Variants in ITGAX observed in about 807,000 individuals in gnomAD.
ITGAX encodes integrin alpha-X.
In ITGAX, 99 loss-of-function variants were observed where a neutral mutation model predicts 140.2. The observed-to-expected ratio is 0.71, with a 90% CI of 0.60 to 0.83. The LOEUF (loss-of-function observed/expected upper bound fraction) is 0.83, where lower values mean the gene tolerates loss of function less well. Among genes scored for constraint, ITGAX ranks in the 40% least tolerant of loss-of-function variants. The pLI is 0.00. For missense variants in ITGAX, 1,444 were observed against 1,482.0 expected, an observed-to-expected ratio of 0.97 and a Z score of 0.42; for synonymous variants, 631 against 600.4, an observed-to-expected ratio of 1.05 and a Z score of -0.75.
At chr16:31,371,839 G>A in intron 17 of ITGAX, 55 bp downstream of exon 17, 13 of 1,589,506 alleles carry the variant, frequency 8.2e-6, no homozygotes, top group Non-Finnish European at 1.1e-5. Context: ...CAGAAGGCAG[G>A]GCAGGGAGAG....
At position 31,376,783 on chromosome 16, in the gene ITGAX, T is replaced by G; in HGVS notation, c.2509-16T>G. The G allele has an allele frequency of 6.2e-7, 1 of 1,612,968 alleles. No homozygotes were observed. Among genetic ancestry groups the G allele is most frequent in the South Asian group, 1.1e-5 (1 of 91,072 alleles). The stretch of plus-strand genomic sequence containing the variant: ...TCAATTTCAACTAATACTCCTCTAC[T>G]TTTTCTCATGCCTAGAAACAAGGGC... On this transcript the variant is annotated splice_polypyrimidine_tract_variant and intron_variant, in intron 20 of 29. Coordinates refer to ENST00000268296, the MANE Select transcript of ITGAX (RefSeq NM_000887.5).
At chr16:31,357,230 C>G (rs1263280663) in intron 4 of ITGAX, 23 bp from the exon 5 acceptor site, 2 of 1,569,938 alleles carry the variant, frequency 1.3e-6, no homozygotes, top group East Asian at 4.6e-5. Context: ...GGGCAGCCCC[C>G]CAGCAGCCCG....
chr16:31,371,853 A>G, intron 17 of ITGAX, 69 bp downstream of exon 17: 1 of 1,565,742 alleles, frequency 6.4e-7, no homozygotes, highest in Non-Finnish European at 8.7e-7. Context: ...GGGAGAGAAC[A>G]GGCTGTGTTC....
chr16:31,363,771 G>A (rs879809762), intron 14 of ITGAX, among the ~76,000 whole-genome samples: 1 of 152,208 alleles, frequency 6.6e-6, no homozygotes, highest in Non-Finnish European at 1.5e-5. Flanking sequence ...AGGTACACAG[G>A]TCAGGCACAG....
rs754949901 is a variant in ITGAX, at chr16:31,363,151, C to CT, written c.1501-7dup. On this transcript the variant is annotated splice_polypyrimidine_tract_variant and intron_variant, in intron 13 of 29. Coordinates refer to ENST00000268296, the MANE Select transcript of ITGAX (RefSeq NM_000887.5). ...GTTGCCCGGGTTGGGCCTGGCACTG[C>CT]TTTTTTTCTGCAGTGGAGAAGGTGG... The CT allele has an allele frequency of 6.8e-6, 11 of 1,608,502 alleles. No homozygotes were observed. The South Asian group carries it at 8.8e-5, about 13-fold the overall frequency.
chr16:31,361,351 C>A (rs958541346), intron 9 of ITGAX, 138 bp downstream of exon 9: 5 of 1,003,196 alleles, frequency 5.0e-6, no homozygotes, highest in Non-Finnish European at 6.0e-6. Flanking sequence ...CCATGTCTGT[C>A]AGCTTGTCCC....
chr16:31,361,761 C>T lies in ITGAX; in HGVS notation c.1013-75C>T. On this transcript the variant is annotated intron_variant, in intron 9 of 29. Coordinates refer to ENST00000268296, the MANE Select transcript of ITGAX (RefSeq NM_000887.5). Reference sequence around the variant, plus strand: ...CTGTAGCCTCCAGTCTTAGCTTCTCCTAAAGCTGAAGTGTTCTTGGACCTG... The same window carrying T: ...CTGTAGCCTCCAGTCTTAGCTTCTCTTAAAGCTGAAGTGTTCTTGGACCTG... 2.0e-6 allele frequency: 3 copies of T among 1,467,104 alleles called. No individual in the cohort carries two copies. The South Asian group carries it at 3.4e-5, about 17-fold the overall frequency. The allele number at this position is 1,467,104 out of a possible 1,614,324, so 90.9% of individuals were successfully genotyped here. A position where few individuals can be genotyped will look rare whatever the true frequency, so the allele number is the denominator to read the frequency against.
intron 17 of ITGAX, among the ~76,000 whole-genome samples, chr16:31,372,165 T>TGG (rs59381287): frequency 0.053 from 6,314 of 119,522 alleles, 168 homozygotes; most frequent in Middle Eastern, 0.1. Flanking sequence ...TCGGGAGGTC[T>TGG]GGGGGGGGGG....
chr16:31,375,855 A>G (rs1287259477), intron 20 of ITGAX, among the ~76,000 whole-genome samples: 1 of 152,246 alleles, frequency 6.6e-6, no homozygotes, highest in Admixed American at 6.5e-5. Flanking sequence ...TATCAACCAA[A>G]TGTAATGGGT....
chr16:31,355,936 G>C lies in ITGAX; in HGVS notation c.81G>C (p.Leu27=). The change falls in exon 2 of 30, where the codon CTG becomes CTC. Residue 27 remains leucine, a synonymous_variant. Transcript: ENST00000268296. ...SLGFNLDTEE[L]TAFRVDSAGF... is the part of the protein sequence containing the mutation. Reference sequence around the variant, plus strand: ...GTTTCAACTTGGACACAGAGGAGCTGACAGCCTTCCGTGTGGACAGCGCTG... The same window carrying C: ...GTTTCAACTTGGACACAGAGGAGCTCACAGCCTTCCGTGTGGACAGCGCTG... 1 of 1,613,966 alleles carries C rather than the reference G, an allele frequency of 6.2e-7. No homozygotes were observed. Among genetic ancestry groups the C allele is most frequent in the Non-Finnish European group, 8.5e-7 (1 of 1,179,878 alleles).
rs758335493 is a variant in ITGAX, at chr16:31,377,089, G to T, written c.2705+10G>T. ...CAGCCAATGTGAGCAGGTGAGCCGG[G>T]CCAGGCCAGGGGCAGTGCCCCTCAT... On this transcript the variant is annotated intron_variant, in intron 22 of 29. Coordinates refer to ENST00000268296, the MANE Select transcript of ITGAX (RefSeq NM_000887.5). 5 of 1,613,966 alleles carry T rather than the reference G, an allele frequency of 3.1e-6. No homozygotes were observed. In the African/African-American group the frequency reaches 6.7e-5, roughly 22 times the overall value.
At chr16:31,356,565 A>C in intron 2 of ITGAX, 60 bp from the exon 3 acceptor site, 1 of 1,182,702 alleles carries the variant, frequency 8.5e-7, no homozygotes, top group Non-Finnish European at 1.2e-6. Flanking sequence ...AACTTGCCGG[A>C]GTGGCAGCTG....
At position 31,363,025 on chromosome 16, in the gene ITGAX, T is replaced by C. The variant is rs1445437141; in HGVS notation, c.1450T>C (p.Tyr484His). 1.3e-6 allele frequency: 2 copies of C among 1,592,264 alleles called. No individual in the cohort carries two copies. The highest frequency in any genetic ancestry group is 3.4e-5 in the Admixed American group (2 of 59,156). Residue 484 changes from tyrosine (Y) to histidine (H), a missense_variant, in exon 13 of 30, where the codon TAC becomes CAC. Physicochemically the swap from Tyr to His is moderately conservative, Grantham distance 83. Coordinates refer to ENST00000268296, the MANE Select transcript of ITGAX (RefSeq NM_000887.5). Reference sequence around the variant, plus strand: ...GGTCCTCATCGGGGCCCCCCATTACTACGAGCAGACCCGAGGGGGCCAGGT... The same window carrying C: ...GGTCCTCATCGGGGCCCCCCATTACCACGAGCAGACCCGAGGGGGCCAGGT... ...DLVLIGAPHY[Y>H]EQTRGGQVSV...
chr16:31,379,719 C>A, intron 24 of ITGAX, 38 bp from the exon 25 acceptor site: 1 of 1,600,878 alleles, frequency 6.2e-7, no homozygotes, highest in Non-Finnish European at 8.5e-7. Flanking sequence ...GGGATTTGGG[C>A]TTTGGCGTGG....
chr16:31,367,280 C>T (rs989326065), intron 14 of ITGAX, among the ~76,000 whole-genome samples: 8 of 152,330 alleles, frequency 5.3e-5, no homozygotes, highest in Non-Finnish European at 1.0e-4. Context: ...GCAAGTTCTC[C>T]AGAAGATCTC....
chr16:31,362,283 T>TG, intron 11 of ITGAX, 79 bp downstream of exon 11: 2 of 1,256,198 alleles, frequency 1.6e-6, no homozygotes, highest in Non-Finnish European at 2.1e-6. Flanking sequence ...GGAAGGGGTA[T>TG]GGGGGCTGTG....
chr16:31,379,408 C>T (rs2081047618), intron 23 of ITGAX, among the ~76,000 whole-genome samples, 160 bp from the exon 24 acceptor site: 3 of 152,132 alleles, frequency 2.0e-5, no homozygotes, highest in South Asian at 2.1e-4. Context: ...TGAGCCACCG[C>T]GCCTGGCCTC....
Position 31,357,323 on chromosome 16 carries a change from GC to G in ITGAX, c.393del (p.Thr132ProfsTer24). The G allele has an allele frequency of 6.2e-7, 1 of 1,607,600 alleles. No individual in the cohort carries two copies. Among genetic ancestry groups the G allele is most frequent in the African/African-American group, 1.3e-5 (1 of 74,872 alleles). On this transcript the variant is annotated frameshift_variant, in exon 5 of 30. Transcript: ENST00000268296. LOFTEE classifies it high-confidence loss of function. Reference protein sequence around the residue: ...MYLTGLCFLLGPTQLTQRLPV... With the variant: ...MYLTGLCFLLXPTQLTQRLPV... ...CTCACCGGACTCTGCTTCCTCCTGG[GC>G]CCCACCCAGCTCACCCAGAGGCTCC...
At chr16:31,379,502 C>G (rs1482427307) in intron 23 of ITGAX, 66 bp from the exon 24 acceptor site, 11 of 1,468,260 alleles carry the variant, frequency 7.5e-6, no homozygotes, top group Middle Eastern at 1.7e-4. Flanking sequence ...CTCTCATGCT[C>G]TAGCCAATGC....
Sources: gnomAD v4.1 joint callset for allele counts (sites outside exome capture counted in the v4.1 genomes callset) on GRCh38, gnomAD v4.1.1 for gene constraint, MANE v1.5 for transcripts, NCBI Gene and HGNC (gene_info 2026-07-23, HGNC 2026-07-21) for gene names.